The following PPFIA2 variants were observed in gnomAD, a reference collection of about 807,000 sequenced individuals.
The protein encoded by PPFIA2 is liprin-alpha-2.
In PPFIA2, 46 loss-of-function variants were observed where a neutral mutation model predicts 175.5. The observed-to-expected ratio is 0.26, with a 90% CI of 0.21 to 0.34. PPFIA2 has a LOEUF of 0.34. Among genes scored for constraint, PPFIA2 ranks in the 10% least tolerant of loss-of-function variants. The pLI, the probability that PPFIA2 is intolerant of heterozygous loss-of-function variation, is 1.00. For synonymous variants in PPFIA2, 568 were observed against 511.4 expected, an observed-to-expected ratio of 1.11 and a Z score of -1.49; for missense variants, 1,179 against 1,506.1, an observed-to-expected ratio of 0.78 and a Z score of 3.60.
chr12:81,751,072 T>C (rs1174875249), intron 3 of PPFIA2, among the ~76,000 whole-genome samples: 2 of 152,078 alleles, frequency 1.3e-5, no homozygotes, highest in African/African-American at 4.8e-5. Context: ...AGAATATTCC[T>C]CTATTACTTA....
At chr12:81,642,682 T>TA (rs1202577443) in intron 4 of PPFIA2, among the ~76,000 whole-genome samples, 2 of 95,866 alleles carry the variant, frequency 2.1e-5, no homozygotes, top group African/African-American at 6.6e-5. Context: ...CATGTATGTA[T>TA]CTATTATATA....
intron 24 of PPFIA2, among the ~76,000 whole-genome samples, chr12:81,287,238 T>G (rs2043675131): frequency 6.6e-6 from 1 of 151,962 alleles, no homozygotes; most frequent in African/African-American, 2.4e-5. Context: ...GTGTAGCTTC[T>G]GCTTTGAATC....
intron 4 of PPFIA2, among the ~76,000 whole-genome samples, chr12:81,583,703 T>G (rs1007098942): frequency 1.3e-5 from 2 of 151,906 alleles, no homozygotes; most frequent in African/African-American, 4.8e-5. Flanking sequence ...TGTCTATGTG[T>G]GCATAACACA....
chr12:81,600,802 A>G (rs73362544), intron 4 of PPFIA2, among the ~76,000 whole-genome samples: 1,739 of 152,108 alleles, frequency 0.011, 23 homozygotes, highest in African/African-American at 0.04. Flanking sequence ...AGAAACCTCA[A>G]GGTTTAAGAG....
In PPFIA2 at chr12:81,416,481, T is replaced by C. The variant is rs184521648; in HGVS notation, c.646-10578A>G. On this transcript the variant is annotated intron_variant, in intron 7 of 32. Coordinates refer to ENST00000549396, the MANE Select transcript of PPFIA2 (RefSeq NM_003625.5). ...AGTTTTGAATTTCATAAAGAAAATA[T>C]GGTAAAATCTCCATCACCAAGGAAG... is the stretch of plus-strand genomic sequence containing the variant. Among the ~76,000 whole-genome samples, 416 of 151,682 alleles carry C rather than the reference T, an allele frequency of 2.7e-3. 1 individual carries two copies. Among genetic ancestry groups the C allele is most frequent in the African/African-American group, 9.6e-3 (399 of 41,508 alleles).
chr12:81,506,276 C>A, intron 4 of PPFIA2, among the ~76,000 whole-genome samples: 1 of 152,214 alleles, frequency 6.6e-6, no homozygotes, highest in Admixed American at 6.5e-5. Context: ...TTCTTGTCTG[C>A]CTGAAAATTT....
chr12:81,351,738 T>TGAA (rs2060038052), intron 17 of PPFIA2, among the ~76,000 whole-genome samples: 1 of 92,344 alleles, frequency 1.1e-5, no homozygotes, highest in Non-Finnish European at 2.4e-5. Flanking sequence ...TACAAAAAAT[T>TGAA]AAAAAAAAAA....
At chr12:81,371,810 T>C (rs2141575596) in intron 11 of PPFIA2, among the ~76,000 whole-genome samples, 1 of 151,882 alleles carries the variant, frequency 6.6e-6, no homozygotes, top group East Asian at 1.9e-4. Flanking sequence ...GCGTATAAAC[T>C]CGCCAAAGCA....
At chr12:81,562,846 C>CA (rs11475809) in intron 4 of PPFIA2, among the ~76,000 whole-genome samples, 1,156 of 29,602 alleles carry the variant, frequency 0.039, 286 homozygotes, top group African/African-American at 0.082. Flanking sequence ...GACTCTGTCT[C>CA]AAAAAAAAAA....
At chr12:81,606,065 G>A (rs1201674177) in intron 4 of PPFIA2, among the ~76,000 whole-genome samples, 1 of 151,906 alleles carries the variant, frequency 6.6e-6, no homozygotes, top group African/African-American at 2.4e-5. Context: ...GTGAGAAAAT[G>A]CAGTATTTGG....
intron 3 of PPFIA2, among the ~76,000 whole-genome samples, chr12:81,713,067 A>T (rs2078151996): frequency 6.6e-6 from 1 of 151,196 alleles, no homozygotes; most frequent in Admixed American, 6.7e-5. Context: ...TATTATGCCA[A>T]ATTTTTACCT....
chr12:81,374,830 C>T (rs933781428), intron 10 of PPFIA2, 62 bp from the exon 11 acceptor site: 7 of 1,474,976 alleles, frequency 4.7e-6, no homozygotes, highest in East Asian at 2.3e-5. Flanking sequence ...AAACACCAGT[C>T]GCCAGGGGCT....
intron 7 of PPFIA2, among the ~76,000 whole-genome samples, chr12:81,429,670 T>C (rs2047747962): frequency 6.6e-6 from 1 of 152,100 alleles, no homozygotes; most frequent in African/African-American, 2.4e-5. Context: ...GTTATAACAC[T>C]GATTTTATTC....
At chr12:81,567,796 C>T (rs1380499437) in intron 4 of PPFIA2, among the ~76,000 whole-genome samples, 1 of 152,176 alleles carries the variant, frequency 6.6e-6, no homozygotes, top group Non-Finnish European at 1.5e-5. Context: ...TCTACTGAAA[C>T]TGTAATTGAA....
At chr12:81,579,197 A>T (rs987788799) in intron 4 of PPFIA2, among the ~76,000 whole-genome samples, 1 of 151,778 alleles carries the variant, frequency 6.6e-6, no homozygotes, top group Non-Finnish European at 1.5e-5. Context: ...AATAGGCCTT[A>T]TTATTGAGAT....
chr12:81,294,182 T>C (rs1341602372), intron 24 of PPFIA2, among the ~76,000 whole-genome samples: 2 of 152,096 alleles, frequency 1.3e-5, no homozygotes, highest in Non-Finnish European at 2.9e-5. Context: ...AAATTACCCA[T>C]TGGGTACAAC....
intron 3 of PPFIA2, among the ~76,000 whole-genome samples, chr12:81,703,871 T>C (rs2076791709): frequency 6.6e-6 from 1 of 152,162 alleles, no homozygotes; most frequent in African/African-American, 2.4e-5. Context: ...AATTGTTTAT[T>C]AATCCTTCAG....
rs1453416490 is a variant in PPFIA2, at chr12:81,637,713, G to T, written c.303+39078C>A. Among the ~76,000 whole-genome samples, 3 of 152,008 alleles carry T rather than the reference G, an allele frequency of 2.0e-5. No individual in the cohort carries two copies. In the South Asian group the frequency reaches 6.2e-4, roughly 31 times the overall value. ...ATGCCATGAAAGATGATTAGCCATG[G>T]CAACTGATGGCAATTGGTTCCAGTC... On this transcript the variant is annotated intron_variant, in intron 4 of 32. Coordinates refer to ENST00000549396, the MANE Select transcript of PPFIA2 (RefSeq NM_003625.5).
intron 7 of PPFIA2, chr12:81,425,041 T>C (rs1295385425): frequency 6.6e-6 from 1 of 152,216 alleles, no homozygotes; most frequent in Non-Finnish European, 1.5e-5. Flanking sequence ...TTACTAACTA[T>C]GTAATTCAGG....
Sources: gnomAD v4.1 joint callset for allele counts (sites outside exome capture counted in the v4.1 genomes callset) on GRCh38, gnomAD v4.1.1 for gene constraint, MANE v1.5 for transcripts, NCBI Gene and HGNC (gene_info 2026-07-23, HGNC 2026-07-21) for gene names.